Variants in ERICH3 observed in about 807,000 individuals in gnomAD.
ERICH3 encodes the protein glutamate-rich protein 3.
A neutral mutation model predicts 131.1 loss-of-function variants in ERICH3; 126 were observed. The observed-to-expected ratio is 0.96, with a 90% CI of 0.83 to 1.11. The LOEUF is 1.11. ERICH3 is among the 50% of genes most tolerant of loss of function. The probability of loss-of-function intolerance (pLI) is 0.00; values close to 1 mark genes in which losing one functional copy is unlikely to be tolerated. For synonymous variants in ERICH3, 695 were observed against 644.6 expected (o/e 1.08, Z -1.18); for missense variants, 2,050 against 1,810.7 (o/e 1.13, Z -2.40).
chr1:74,584,076 G>A (rs748859662), intron 12 of ERICH3, among the ~76,000 whole-genome samples: 84 of 152,242 alleles, frequency 5.5e-4, no homozygotes, highest in Non-Finnish European at 9.3e-4. Flanking sequence ...CATTCTTTGT[G>A]TAGCCAGTCG....
intron 14 of ERICH3, 150 bp downstream of exon 14, chr1:74,570,949 C>T: frequency 9.1e-7 from 1 of 1,100,592 alleles, no homozygotes; most frequent in Non-Finnish European, 1.3e-6. Context: ...AGCCCCTTTC[C>T]TGACAGGCTT....
intron 1 of ERICH3, among the ~76,000 whole-genome samples, chr1:74,666,107 G>C (rs1413501585): frequency 1.3e-5 from 2 of 152,136 alleles, no homozygotes. Context: ...CATGTAGATA[G>C]CTCAGAAGAA....
chr1:74,586,345 T>C, intron 12 of ERICH3: 1 of 878,844 alleles, frequency 1.1e-6, no homozygotes, highest in South Asian at 5.3e-5. Flanking sequence ...CTTTGTAATA[T>C]AGCAATATAT....
At position 74,584,598 on chromosome 1, in the gene ERICH3, G is replaced by T. The variant is rs886674645; in HGVS notation, c.2176+5033C>A. ...GTTCAGATGTCCGATTATTAGAGAG[G>T]CCATCCCAAAAATACTACCCCTTCC... On this transcript the variant is annotated intron_variant, in intron 12 of 14. Coordinates refer to ENST00000326665, the MANE Select transcript of ERICH3 (RefSeq NM_001002912.5). 2.6e-5 allele frequency among the ~76,000 whole-genome samples: 4 copies of T among 152,070 alleles called. No individual in the cohort carries two copies. The East Asian group carries it at 7.7e-4, about 29-fold the overall frequency.
chr1:74,618,342 G>C (rs919487962), intron 8 of ERICH3, among the ~76,000 whole-genome samples: 1 of 152,022 alleles, frequency 6.6e-6, no homozygotes, highest in Non-Finnish European at 1.5e-5. Flanking sequence ...AAAAGAGAAA[G>C]TATTATAGAC....
At chr1:74,590,519 A>T (rs1397350108) in intron 11 of ERICH3, among the ~76,000 whole-genome samples, 2 of 152,224 alleles carry the variant, frequency 1.3e-5, no homozygotes, top group African/African-American at 4.8e-5. Context: ...AGGAGCTCAC[A>T]ACCTAGAACC....
intron 8 of ERICH3, among the ~76,000 whole-genome samples, chr1:74,619,178 A>T (rs1349201315): frequency 6.6e-6 from 1 of 152,184 alleles, no homozygotes. Context: ...ATGCAAAATA[A>T]CACTGACTCA....
rs763304956 is a variant in ERICH3, at chr1:74,673,569, G to T, written c.-50C>A. On this transcript the variant is annotated 5_prime_UTR_variant, in exon 1 of 15. Transcript: ENST00000326665. ...CGCGGCAGGTGCGGAGGGTGGGTGCGTGGGGCCCCGTGCGCGCTGGCGCTG... is the reference window on the plus strand; with the variant it reads ...CGCGGCAGGTGCGGAGGGTGGGTGCTTGGGGCCCCGTGCGCGCTGGCGCTG... The T allele has an allele frequency of 3.1e-6, 5 of 1,594,228 alleles. No homozygotes were observed. In the Admixed American group the frequency reaches 6.9e-5, roughly 22 times the overall value.
At chr1:74,665,983 A>AT (rs893540622) in intron 1 of ERICH3, among the ~76,000 whole-genome samples, 1 of 152,208 alleles carries the variant, frequency 6.6e-6, no homozygotes, top group Non-Finnish European at 1.5e-5. Flanking sequence ...TTCTGAGTAC[A>AT]TAAAAACCCA....
intron 10 of ERICH3, 118 bp downstream of exon 10, chr1:74,606,483 C>T: frequency 9.4e-7 from 1 of 1,064,050 alleles, no homozygotes; most frequent in Non-Finnish European, 1.3e-6. Flanking sequence ...AGGGGCACCC[C>T]ACATGTAACA....
intron 10 of ERICH3, among the ~76,000 whole-genome samples, chr1:74,604,866 T>G (rs1648308075): frequency 6.6e-6 from 1 of 151,936 alleles, no homozygotes. Flanking sequence ...AAATGAGCAT[T>G]GGCTTCATCA....
chr1:74,584,496 G>A (rs1395901502), intron 12 of ERICH3, among the ~76,000 whole-genome samples: 1 of 152,118 alleles, frequency 6.6e-6, no homozygotes, highest in Non-Finnish European at 1.5e-5. Context: ...TGGGGCCATT[G>A]CACTTGCTGG....
intron 12 of ERICH3, chr1:74,577,402 C>A (rs1161557162): frequency 6.4e-6 from 1 of 155,358 alleles, no homozygotes; most frequent in Non-Finnish European, 1.4e-5. Flanking sequence ...CCACCCTCAT[C>A]TTCACTGCTG....
chr1:74,645,880 A>AGTT (rs1160651150), intron 3 of ERICH3, among the ~76,000 whole-genome samples: 4 of 152,202 alleles, frequency 2.6e-5, no homozygotes, highest in Middle Eastern at 3.4e-3. Context: ...ATGATTCTAC[A>AGTT]GTTGTTCATA....
At chr1:74,590,128 T>G (rs1002414459) in intron 11 of ERICH3, 48 bp from the exon 12 acceptor site, 1 of 1,417,046 alleles carries the variant, frequency 7.1e-7, no homozygotes, top group African/African-American at 1.5e-5. Flanking sequence ...GTAAAGCAAT[T>G]GGTTTAATTG....
intron 5 of ERICH3, 146 bp downstream of exon 5, chr1:74,641,185 G>T (rs1646434366): frequency 1.1e-6 from 1 of 914,768 alleles, no homozygotes; most frequent in East Asian, 3.0e-5. Context: ...AAGAGACAGA[G>T]TTGAACAGAT....
In ERICH3 at chr1:74,572,560, TA is replaced by T; in HGVS notation, c.3149del (p.Leu1050TyrfsTer5). 6.2e-7 allele frequency: 1 copy of T among 1,614,054 alleles called. No homozygotes were observed. The highest frequency in any genetic ancestry group is 2.2e-5 in the East Asian group (1 of 44,854). ...CTCTTGCTAAATCTAATTCCTTGGG[TA>T]AAATTTCTTTCCTATCATCTTCCCT... The part of the protein sequence containing the change: ...ANREDDRKEI[L>X]PKELDLARER... On this transcript the variant is annotated frameshift_variant, in exon 14 of 15. Transcript: ENST00000326665. LOFTEE classifies it high-confidence loss of function.
At chr1:74,643,993 T>C (rs540618410) in intron 3 of ERICH3, among the ~76,000 whole-genome samples, 10 of 152,202 alleles carry the variant, frequency 6.6e-5, no homozygotes, top group Admixed American at 3.9e-4. Context: ...TTTATGCTTT[T>C]CCCCCCAAGT....
intron 1 of ERICH3, among the ~76,000 whole-genome samples, chr1:74,655,705 G>C (rs537344081): frequency 2.4e-4 from 36 of 152,240 alleles, no homozygotes; most frequent in South Asian, 4.1e-4. Flanking sequence ...CTGAAGGCTA[G>C]AATATGGACA....
Sources: gnomAD v4.1 joint callset for allele counts (sites outside exome capture counted in the v4.1 genomes callset) on GRCh38, gnomAD v4.1.1 for gene constraint, MANE v1.5 for transcripts, NCBI Gene and HGNC (gene_info 2026-07-23, HGNC 2026-07-21) for gene names.